The following ARID2 variants were observed in gnomAD, a reference collection of about 807,000 sequenced individuals.
ARID2 encodes the protein AT-rich interactive domain-containing protein 2.
ARID2 carries 32 observed loss-of-function variants against 184.6 expected under a neutral mutation model. The ratio of observed to expected loss-of-function variants is 0.17; its 90% CI spans 0.13 to 0.23. The LOEUF (loss-of-function observed/expected upper bound fraction) is 0.23. ARID2 is among the 10% of genes least tolerant of loss of function. The probability of loss-of-function intolerance (pLI) is 1.00; values close to 1 mark genes in which losing one functional copy is unlikely to be tolerated. For synonymous variants in ARID2, 836 were observed against 772.6 expected, an observed-to-expected ratio of 1.08 and a Z score of -1.36; for missense variants, 1,696 against 2,197.6, an observed-to-expected ratio of 0.77 and a Z score of 4.56.
At chr12:45,833,807 C>T (rs1592106044) in intron 6 of ARID2, among the ~76,000 whole-genome samples, 1 of 152,202 alleles carries the variant, frequency 6.6e-6, no homozygotes, top group Non-Finnish European at 1.5e-5. Context: ...TTGTTCTCTC[C>T]AGTTTTTTGA....
intron 3 of ARID2, among the ~76,000 whole-genome samples, chr12:45,810,000 C>T (rs1216799586): frequency 6.6e-6 from 1 of 152,094 alleles, no homozygotes. Flanking sequence ...CTTAAAAAAG[C>T]AGAGGGTAGG....
At chr12:45,838,788 G>GATAGAT (rs754419777) in intron 10 of ARID2, among the ~76,000 whole-genome samples, 5 of 150,844 alleles carry the variant, frequency 3.3e-5, no homozygotes, top group Middle Eastern at 3.2e-3. Context: ...TAGATAGATA[G>GATAGAT]ATAGATATAG....
At chr12:45,879,473 G>A (rs1386831409) in intron 16 of ARID2, among the ~76,000 whole-genome samples, 6 of 152,124 alleles carry the variant, frequency 3.9e-5, no homozygotes, top group Admixed American at 2.6e-4. Flanking sequence ...CTGACCTCCC[G>A]CCCCAAGGGT....
chr12:45,840,228 A>G (rs141890387), intron 11 of ARID2: 2 of 152,038 alleles, frequency 1.3e-5, no homozygotes, highest in East Asian at 1.9e-4. Context: ...TCCATTTCCT[A>G]TCCTCTCACC....
At chr12:45,853,700 C>A (rs770400659) in intron 15 of ARID2, among the ~76,000 whole-genome samples, 4 of 152,212 alleles carry the variant, frequency 2.6e-5, no homozygotes, top group Non-Finnish European at 5.9e-5. Context: ...CTCTGTTCTT[C>A]CTAATTCCTA....
At chr12:45,804,267 A>AT (rs553965673) in intron 3 of ARID2, among the ~76,000 whole-genome samples, 84 of 152,106 alleles carry the variant, frequency 5.5e-4, no homozygotes, top group African/African-American at 1.9e-3. Flanking sequence ...CATTAATTAA[A>AT]TTTTTTTTCC....
intron 20 of ARID2, among the ~76,000 whole-genome samples, chr12:45,903,237 T>G (rs1944480572): frequency 6.6e-6 from 1 of 152,214 alleles, no homozygotes; most frequent in African/African-American, 2.4e-5. Flanking sequence ...TTTCTCTGCT[T>G]TTGATGGGCA....
rs556662282 is a variant in ARID2, at chr12:45,740,171, C to T, written c.284+8857C>T. 3.0e-4 allele frequency among the ~76,000 whole-genome samples: 45 copies of T among 152,074 alleles called. No homozygotes were observed. The South Asian group carries it at 9.0e-3, about 30-fold the overall frequency. On this transcript the variant is annotated intron_variant, in intron 3 of 20. Transcript: ENST00000334344. ...TTTCTGAGTTGTCTTTTTAGGTAGC[C>T]TCATATTGCAATGTAGTAATTCAAT...
At chr12:45,833,963 C>T (rs1258566600) in intron 6 of ARID2, among the ~76,000 whole-genome samples, 1 of 152,198 alleles carries the variant, frequency 6.6e-6, no homozygotes, top group Non-Finnish European at 1.5e-5. Context: ...GCCTCCTTAG[C>T]TTTGCTGTGC....
chr12:45,823,944 A>G (rs867713913), intron 6 of ARID2, among the ~76,000 whole-genome samples: 12 of 152,174 alleles, frequency 7.9e-5, no homozygotes, highest in Middle Eastern at 3.2e-3. Flanking sequence ...TGAGGCCAAT[A>G]CTACTCTGAT....
chr12:45,883,683 T>C (rs1438650235), intron 16 of ARID2, among the ~76,000 whole-genome samples: 1 of 151,322 alleles, frequency 6.6e-6, no homozygotes, highest in African/African-American at 2.4e-5. Flanking sequence ...AAGGAGAAAA[T>C]CAGGTCTTTT....
intron 4 of ARID2, among the ~76,000 whole-genome samples, chr12:45,814,493 T>A (rs1029404443): frequency 2.0e-5 from 3 of 152,120 alleles, no homozygotes; most frequent in African/African-American, 7.2e-5. Flanking sequence ...CTACTAAAAA[T>A]ACAAAAATTG....
intron 15 of ARID2, among the ~76,000 whole-genome samples, chr12:45,857,063 G>T (rs754688894): frequency 1.2e-4 from 18 of 151,594 alleles, no homozygotes; most frequent in Non-Finnish European, 2.2e-4. Flanking sequence ...ATAAGACTTG[G>T]TTTTTTTTCA....
At position 45,852,359 on chromosome 12, in the gene ARID2, A is replaced by G. The variant is rs774426015; in HGVS notation, c.4236A>G (p.Leu1412=). The stretch of plus-strand genomic sequence containing the variant: ...AAGATACTGCCAAAGGTGATCAACT[A>G]GAAAGAATTTCTAATGGACCTGTAT... ...TQQDTAKGDQ[L]ERISNGPVLT... is the part of the protein sequence containing the mutation. Residue 1412 remains leucine, a synonymous_variant, in exon 15 of 21, where the codon CTA becomes CTG. Transcript: ENST00000334344. 6.2e-7 allele frequency: 1 copy of G among 1,614,196 alleles called. No homozygotes were observed. Among genetic ancestry groups the G allele is most frequent in the Non-Finnish European group, 8.5e-7 (1 of 1,180,014 alleles).
chr12:45,885,983 C>T (rs111334598), intron 16 of ARID2, among the ~76,000 whole-genome samples: 1 of 152,146 alleles, frequency 6.6e-6, no homozygotes, highest in African/African-American at 2.4e-5. Context: ...CATGTCCTCA[C>T]ATTTCAAAAC....
chr12:45,866,378 G>A (rs1198182689), intron 16 of ARID2, among the ~76,000 whole-genome samples: 4 of 152,058 alleles, frequency 2.6e-5, no homozygotes, highest in African/African-American at 9.7e-5. Flanking sequence ...CTCATATTAA[G>A]GGTATTTAGG....
intron 10 of ARID2, among the ~76,000 whole-genome samples, chr12:45,838,530 G>A (rs892035899): frequency 2.0e-5 from 3 of 152,140 alleles, no homozygotes; most frequent in African/African-American, 7.2e-5. Context: ...CACTTTGGGA[G>A]GCCAAGGCAG....
intron 3 of ARID2, among the ~76,000 whole-genome samples, chr12:45,763,529 T>C (rs1941718758): frequency 6.6e-6 from 1 of 151,960 alleles, no homozygotes; most frequent in Non-Finnish European, 1.5e-5. Flanking sequence ...TTGGAGGAGA[T>C]TGTTACTGTT....
intron 20 of ARID2, among the ~76,000 whole-genome samples, chr12:45,904,580 A>G (rs1944496816): frequency 6.6e-6 from 1 of 150,982 alleles, no homozygotes; most frequent in African/African-American, 2.4e-5. Context: ...TGTCCCAGCT[A>G]CTTGGGAGGC....
Sources: gnomAD v4.1 joint callset for allele counts (sites outside exome capture counted in the v4.1 genomes callset) on GRCh38, gnomAD v4.1.1 for gene constraint, MANE v1.5 for transcripts, NCBI Gene and HGNC (gene_info 2026-07-23, HGNC 2026-07-21) for gene names.